RORA: variants seen among roughly 807,000 people sequenced by gnomAD.
The protein encoded by RORA is nuclear receptor ROR-alpha.
RORA carries 7 observed loss-of-function variants against 69.5 expected under a neutral mutation model. The ratio of observed to expected loss-of-function variants is 0.10; its 90% CI spans 0.06 to 0.19. The LOEUF (loss-of-function observed/expected upper bound fraction) is 0.19. Ranked by LOEUF, RORA falls within the 10% of genes least tolerant of loss-of-function variation. RORA has a pLI of 1.00. For missense variants in RORA, 457 were observed against 663.0 expected (o/e 0.69, Z 3.41); for synonymous variants, 261 against 240.8 (o/e 1.08, Z -0.78).
intron 1 of RORA, among the ~76,000 whole-genome samples, chr15:61,085,667 G>A (rs1213382274): frequency 1.3e-5 from 2 of 152,148 alleles, no homozygotes; most frequent in African/African-American, 4.8e-5. Flanking sequence ...CTATTCCCAG[G>A]ATGGCACAAG....
At chr15:61,210,330 C>G (rs1432086203) in intron 1 of RORA, among the ~76,000 whole-genome samples, 1 of 152,132 alleles carries the variant, frequency 6.6e-6, no homozygotes, top group Non-Finnish European at 1.5e-5. Flanking sequence ...CTAAATGACC[C>G]AGCTGATACC....
At chr15:61,180,051 C>A (rs927055064) in intron 1 of RORA, among the ~76,000 whole-genome samples, 1 of 143,940 alleles carries the variant, frequency 6.9e-6, no homozygotes, top group African/African-American at 2.6e-5. Context: ...GGCTGTGGCA[C>A]GAGAATCACT....
intron 1 of RORA, among the ~76,000 whole-genome samples, chr15:60,720,643 C>CA (rs1209523357): frequency 1.3e-5 from 2 of 152,134 alleles, no homozygotes; most frequent in Non-Finnish European, 2.9e-5. Flanking sequence ...TGACAAGAAA[C>CA]AAAGTTGCCG....
intron 1 of RORA, among the ~76,000 whole-genome samples, chr15:60,727,900 C>T (rs1008628771): frequency 3.9e-5 from 6 of 152,180 alleles, no homozygotes; most frequent in Admixed American, 3.3e-4. Context: ...TTCGTCTCCT[C>T]TGAATGCACT....
At position 61,147,197 on chromosome 15, in the gene RORA, T is replaced by A. The variant is rs1262249799; in HGVS notation, c.166+81856A>T. Among the ~76,000 whole-genome samples the A allele has an allele frequency of 1.3e-5, 2 of 152,160 alleles. No individual in the cohort carries two copies. The highest frequency in any genetic ancestry group is 3.9e-4 in the East Asian group (2 of 5,184). On this transcript the variant is annotated intron_variant, in intron 1 of 10. Coordinates refer to ENST00000335670, the MANE Select transcript of RORA (RefSeq NM_134261.3). This position sits in a 1 kb window ranked among gnomAD's most constrained non-coding sequence, Gnocchi z 4.1. The stretch of plus-strand genomic sequence containing the variant: ...CTTTGCATGCGTCAACCACTAGTCA[T>A]GCCTTGAACCACACAGCACCGTGGT...
At chr15:61,009,178 T>C (rs1042776914) in intron 1 of RORA, among the ~76,000 whole-genome samples, 5 of 152,202 alleles carry the variant, frequency 3.3e-5, no homozygotes, top group East Asian at 1.9e-4. Flanking sequence ...AAGAAGAAAC[T>C]TGGTGTTCTC....
chr15:60,610,100 C>A (rs1214558237), intron 2 of RORA, among the ~76,000 whole-genome samples: 1 of 152,044 alleles, frequency 6.6e-6, no homozygotes, highest in Admixed American at 6.5e-5. Flanking sequence ...CACCAAGAGA[C>A]CTTAAGGAAG....
Position 60,910,904 on chromosome 15 carries a change from G to GTT in RORA, c.167-232220_167-232219dup, listed in dbSNP as rs35069957. ...TTTTTTTGTTGTTGTTGTTTTTTGG[G>GTT]TTTTTTTTTTTTTTTTGAGATGGAG... is the stretch of plus-strand genomic sequence containing the variant. On this transcript the variant is annotated intron_variant, in intron 1 of 10. Coordinates refer to ENST00000335670, the MANE Select transcript of RORA (RefSeq NM_134261.3). 3.9e-4 allele frequency among the ~76,000 whole-genome samples: 49 copies of GTT among 125,190 alleles called. 2 individuals are homozygous for GTT. The East Asian group carries it at 4.1e-3, about 10-fold the overall frequency. The allele number at this position is 125,190 out of a possible 152,430, so 82.1% of individuals were successfully genotyped here. A position where few individuals can be genotyped will look rare whatever the true frequency, so the allele number is the denominator to read the frequency against.
At chr15:61,024,756 A>C (rs926312308) in intron 1 of RORA, among the ~76,000 whole-genome samples, 1 of 151,318 alleles carries the variant, frequency 6.6e-6, no homozygotes. Flanking sequence ...GGTCCTGGCT[A>C]CATTTTGTAT....
At chr15:60,627,260 G>T (rs763861820) in intron 2 of RORA, 4 of 1,614,196 alleles carry the variant, frequency 2.5e-6, no homozygotes, top group Non-Finnish European at 2.5e-6. Context: ...TCACCTGCAG[G>T]TGTGGGTGTG....
intron 1 of RORA, among the ~76,000 whole-genome samples, chr15:60,884,722 T>G (rs941661430): frequency 7.2e-5 from 11 of 152,232 alleles, no homozygotes; most frequent in Non-Finnish European, 1.0e-4. Context: ...CAAAACCCAT[T>G]CTCTCTTGCC....
At chr15:61,080,639 CTT>C (rs1470750092) in intron 1 of RORA, among the ~76,000 whole-genome samples, 1 of 152,180 alleles carries the variant, frequency 6.6e-6, no homozygotes, top group Admixed American at 6.5e-5. Context: ...TGCAGTGTCA[CTT>C]TGAGGCCTTT....
At chr15:60,799,594 G>A (rs1471491800) in intron 1 of RORA, among the ~76,000 whole-genome samples, 2 of 151,364 alleles carry the variant, frequency 1.3e-5, no homozygotes, top group Non-Finnish European at 1.5e-5. Flanking sequence ...ACATTGCGGG[G>A]GAGATGAGTC....
At chr15:61,049,745 C>T (rs1309371363) in intron 1 of RORA, among the ~76,000 whole-genome samples, 4 of 152,108 alleles carry the variant, frequency 2.6e-5, no homozygotes, top group Admixed American at 6.6e-5. Flanking sequence ...CTGCAACCTC[C>T]GCCTCCCGGG....
chr15:60,524,621 T>C (rs1269663243), intron 3 of RORA, among the ~76,000 whole-genome samples: 4 of 152,236 alleles, frequency 2.6e-5, no homozygotes, highest in Non-Finnish European at 5.9e-5. Context: ...CTTACCTTGT[T>C]GTATTATTAA....
chr15:60,768,574 C>T (rs1400714380), intron 1 of RORA, among the ~76,000 whole-genome samples: 3 of 152,182 alleles, frequency 2.0e-5, no homozygotes, highest in African/African-American at 4.8e-5. Flanking sequence ...ATTGCCTCTA[C>T]AGCTAAGCAC....
intron 1 of RORA, among the ~76,000 whole-genome samples, chr15:60,689,550 C>T (rs900374945): frequency 6.6e-6 from 1 of 152,092 alleles, no homozygotes; most frequent in East Asian, 1.9e-4. Flanking sequence ...ATATTCAAGT[C>T]CTAACTCCTG....
At chr15:61,125,804 T>A (rs1304965616) in intron 1 of RORA, among the ~76,000 whole-genome samples, 1 of 152,208 alleles carries the variant, frequency 6.6e-6, no homozygotes, top group Non-Finnish European at 1.5e-5. Flanking sequence ...CAAATGCTTT[T>A]GATTTGAATA....
chr15:60,644,909 T>C (rs909390371), intron 2 of RORA, among the ~76,000 whole-genome samples: 2 of 152,180 alleles, frequency 1.3e-5, no homozygotes, highest in African/African-American at 4.8e-5. Context: ...CTTCTTTTTT[T>C]CAGTATTCAA....
Sources: allele counts gnomAD v4.1 joint callset (sites outside exome capture counted in the v4.1 genomes callset), GRCh38; gene constraint gnomAD v4.1.1; non-coding constraint Gnocchi (gnomAD v3.1); transcripts MANE v1.5; gene names NCBI Gene and HGNC (gene_info 2026-07-23, HGNC 2026-07-21).